The following PPP2R5E variants were observed in gnomAD, a reference collection of about 807,000 sequenced individuals.
PPP2R5E encodes the protein protein phosphatase 2 regulatory subunit B'epsilon, also known as serine/threonine-protein phosphatase 2A 56 kDa regulatory subunit epsilon isoform.
PPP2R5E carries 4 observed loss-of-function variants against 65.3 expected under a neutral mutation model. The ratio of observed to expected loss-of-function variants is 0.06; its 90% CI spans 0.03 to 0.14. The LOEUF is 0.14. Among genes scored for constraint, PPP2R5E ranks in the 10% least tolerant of loss-of-function variants. PPP2R5E has a pLI of 1.00. For missense variants in PPP2R5E, 274 were observed against 556.1 expected, an observed-to-expected ratio of 0.49 and a Z score of 5.10; for synonymous variants, 183 against 187.4, an observed-to-expected ratio of 0.98 and a Z score of 0.19.
In PPP2R5E at chr14:63,380,707, A is replaced by C. The variant is rs527384778; in HGVS notation, c.1304+1349T>G. On this transcript the variant is annotated intron_variant, in intron 13 of 13. Transcript: ENST00000337537. ...TTGTTTAAACTGTGAGTATGGAATA[A>C]CATATCCCATAATTGATAATAATCC... 3.3e-4 allele frequency among the ~76,000 whole-genome samples: 50 copies of C among 151,968 alleles called. 2 individuals carry two copies. Among genetic ancestry groups the C allele is most frequent in the African/African-American group, 1.2e-3 (50 of 41,558 alleles).
chr14:63,377,186 T>C (rs1344954221), intron 13 of PPP2R5E, among the ~76,000 whole-genome samples: 1 of 151,764 alleles, frequency 6.6e-6, no homozygotes, highest in African/African-American at 2.4e-5. Context: ...TGATCCAGAT[T>C]AACATTCATA....
At chr14:63,384,650 A>C in intron 11 of PPP2R5E, 79 bp from the exon 12 acceptor site, 1 of 1,237,328 alleles carries the variant, frequency 8.1e-7, no homozygotes, top group Non-Finnish European at 1.1e-6. Context: ...TTCCAAACAA[A>C]AGTATTTCAA....
chr14:63,414,668 C>T (rs1411295572), intron 5 of PPP2R5E, among the ~76,000 whole-genome samples: 3 of 152,118 alleles, frequency 2.0e-5, no homozygotes, highest in Non-Finnish European at 4.4e-5. Context: ...GAATGTTAAG[C>T]TATGCTATTT....
chr14:63,451,992 A>G (rs1322723309), intron 3 of PPP2R5E: 1 of 152,246 alleles, frequency 6.6e-6, no homozygotes, highest in Non-Finnish European at 1.5e-5. Context: ...AATATGGTAC[A>G]TTCACACAAT....
chr14:63,508,119 AC>A (rs1247115019), intron 2 of PPP2R5E: 1 of 982,974 alleles, frequency 1.0e-6, no homozygotes, highest in Non-Finnish European at 1.2e-6. Flanking sequence ...ACACACTTCT[AC>A]ACACACGAGT....
chr14:63,523,516 T>G (rs1594970407), intron 2 of PPP2R5E, among the ~76,000 whole-genome samples: 1 of 151,832 alleles, frequency 6.6e-6, no homozygotes, highest in Admixed American at 6.6e-5. Context: ...GGCAGCATGC[T>G]CGTTAAGAGT....
chr14:63,403,638 A>G (rs76725891), intron 5 of PPP2R5E, among the ~76,000 whole-genome samples: 7 of 143,542 alleles, frequency 4.9e-5, no homozygotes, highest in Non-Finnish European at 7.7e-5. Context: ...GGTCTCCAAG[A>G]AAAAAAAAAA....
intron 5 of PPP2R5E, 34 bp from the exon 6 acceptor site, chr14:63,396,750 G>A: frequency 1.3e-6 from 2 of 1,598,394 alleles, no homozygotes; most frequent in Non-Finnish European, 8.5e-7. Context: ...AGCTGTCAAA[G>A]GCGGTTTCAG....
intron 2 of PPP2R5E, among the ~76,000 whole-genome samples, chr14:63,477,517 G>C (rs540251239): frequency 5.3e-5 from 8 of 151,840 alleles, no homozygotes; most frequent in Non-Finnish European, 1.0e-4. Flanking sequence ...AAGAGGGGAG[G>C]GGAGAAGAGA....
At chr14:63,419,156 T>C (rs1052213070) in intron 4 of PPP2R5E, among the ~76,000 whole-genome samples, 4 of 152,192 alleles carry the variant, frequency 2.6e-5, no homozygotes, top group Non-Finnish European at 4.4e-5. Context: ...CAATGGGTAA[T>C]TTTGTGTATG....
chr14:63,382,182 T>C (rs779417120), intron 12 of PPP2R5E, 25 bp from the exon 13 acceptor site: 3 of 1,575,512 alleles, frequency 1.9e-6, no homozygotes, highest in Non-Finnish European at 2.6e-6. Context: ...AAAAAAGGAG[T>C]GTGTTAGTTA....
chr14:63,527,087 T>G (rs1032759735), intron 2 of PPP2R5E, among the ~76,000 whole-genome samples: 5 of 152,158 alleles, frequency 3.3e-5, no homozygotes, highest in Non-Finnish European at 7.4e-5. Flanking sequence ...GAGAATCACT[T>G]GAACCCAGGA....
chr14:63,528,627 C>A (rs1893279658), intron 2 of PPP2R5E, among the ~76,000 whole-genome samples: 1 of 151,708 alleles, frequency 6.6e-6, no homozygotes, highest in Non-Finnish European at 1.5e-5. Flanking sequence ...TTTCATTAAA[C>A]AAGTTTATAT....
In PPP2R5E at chr14:63,482,503, G is replaced by A. The variant is rs143736846; in HGVS notation, c.158-28618C>T. Among the ~76,000 whole-genome samples, 565 of 152,192 alleles carry A rather than the reference G, an allele frequency of 3.7e-3. 2 individuals carry two copies. The highest frequency in any genetic ancestry group is 0.013 in the African/African-American group (532 of 41,532). On this transcript the variant is annotated intron_variant, in intron 2 of 13. Transcript: ENST00000337537. ...AAAAAACTGTTGCCATGAGTCACGCGTGATTTTAGCCTCTATTTAGATGGT... is the reference window on the plus strand; with the variant it reads ...AAAAAACTGTTGCCATGAGTCACGCATGATTTTAGCCTCTATTTAGATGGT...
At chr14:63,451,353 T>A (rs1184362552) in intron 3 of PPP2R5E, 7 of 152,174 alleles carry the variant, frequency 4.6e-5, no homozygotes, top group Non-Finnish European at 8.8e-5. Context: ...CTATGGTACA[T>A]CCAACCAATA....
At chr14:63,429,839 C>A (rs149964320) in intron 3 of PPP2R5E, among the ~76,000 whole-genome samples, 5 of 152,040 alleles carry the variant, frequency 3.3e-5, no homozygotes, top group Admixed American at 6.6e-5. Context: ...CCCGCCACCA[C>A]GTCCAGCTAA....
At chr14:63,426,693 G>C (rs1887355081) in intron 3 of PPP2R5E, among the ~76,000 whole-genome samples, 1 of 122,126 alleles carries the variant, frequency 8.2e-6, no homozygotes, top group East Asian at 2.3e-4. Flanking sequence ...AGTGCCAAAG[G>C]CTTATCAAAA....
Position 63,422,729 on chromosome 14 carries a change from T to TAAAAAA in PPP2R5E, c.355-641_355-636dup, listed in dbSNP as rs567590182. On this transcript the variant is annotated intron_variant, in intron 3 of 13. Coordinates refer to ENST00000337537, the MANE Select transcript of PPP2R5E (RefSeq NM_006246.5). ...ATGAAAGAGCGAGACTCCGTCTATT[T>TAAAAAA]AAAAAAAAAAAAAAAAAAAAAAAAA... 3.3e-3 allele frequency among the ~76,000 whole-genome samples: 288 copies of TAAAAAA among 88,212 alleles called. 5 individuals are homozygous for TAAAAAA. The highest frequency in any genetic ancestry group is 0.011 in the African/African-American group (280 of 25,240). The allele number at this position is 88,212 out of a possible 152,430, so 57.9% of individuals were successfully genotyped here.
At chr14:63,530,217 A>G (rs1893354749) in intron 2 of PPP2R5E, among the ~76,000 whole-genome samples, 1 of 148,454 alleles carries the variant, frequency 6.7e-6, no homozygotes, top group Non-Finnish European at 1.5e-5. Context: ...TAAGTTAAGA[A>G]ATTTTTCCGT....
Sources: allele counts gnomAD v4.1 joint callset (sites outside exome capture counted in the v4.1 genomes callset), GRCh38; gene constraint gnomAD v4.1.1; transcripts MANE v1.5; gene names NCBI Gene and HGNC (gene_info 2026-07-23, HGNC 2026-07-21).